GALNTL6: variants seen among roughly 807,000 people sequenced by gnomAD.
GALNTL6 encodes polypeptide N-acetylgalactosaminyltransferase like 6.
A neutral mutation model predicts 73.7 loss-of-function variants in GALNTL6; 46 were observed. The observed-to-expected ratio is 0.62, with a 90% confidence interval of 0.49 to 0.80. GALNTL6 has a LOEUF of 0.80. Among genes scored for constraint, GALNTL6 ranks in the 30% least tolerant of loss-of-function variants. The pLI is 0.00. For synonymous variants in GALNTL6, 259 were observed against 263.7 expected (o/e 0.98, Z 0.17); for missense variants, 604 against 755.0 (o/e 0.80, Z 2.34).
intron 5 of GALNTL6, among the ~76,000 whole-genome samples, chr4:172,485,779 C>A (rs760743965): frequency 9.9e-5 from 15 of 152,078 alleles, no homozygotes; most frequent in Non-Finnish European, 1.6e-4. Flanking sequence ...TCTTTGACAT[C>A]TTGAAACTAT....
At position 172,561,798 on chromosome 4, in the gene GALNTL6, A is replaced by AT. The variant is rs1221251046; in HGVS notation, c.553+213116dup. Among the ~76,000 whole-genome samples the AT allele has an allele frequency of 3.3e-5, 5 of 152,212 alleles. No homozygotes were observed. In the South Asian group the frequency reaches 8.3e-4, roughly 25 times the overall value. ...CTTGAGGTGAGACCCAGGCATCACT[A>AT]TTTTTTTATAGCTCCTCCAGAGATT... On this transcript the variant is annotated intron_variant, in intron 5 of 12. Coordinates refer to ENST00000506823, the MANE Select transcript of GALNTL6 (RefSeq NM_001034845.3).
intron 4 of GALNTL6, among the ~76,000 whole-genome samples, chr4:172,314,964 A>G (rs1363871617): frequency 2.0e-5 from 3 of 152,136 alleles, no homozygotes; most frequent in Non-Finnish European, 4.4e-5. Flanking sequence ...TAGTATAAAA[A>G]TAAACTGCTT....
At chr4:172,928,550 C>T (rs1398172653) in intron 8 of GALNTL6, among the ~76,000 whole-genome samples, 3 of 152,190 alleles carry the variant, frequency 2.0e-5, no homozygotes, top group Non-Finnish European at 1.5e-5. Context: ...TCATCTGCTG[C>T]AGATTTCAAC....
chr4:172,429,838 A>G (rs1731373529), intron 5 of GALNTL6, among the ~76,000 whole-genome samples: 1 of 152,132 alleles, frequency 6.6e-6, no homozygotes, highest in Non-Finnish European at 1.5e-5. Context: ...TATTTGATAA[A>G]ACTACATTTT....
intron 3 of GALNTL6, among the ~76,000 whole-genome samples, chr4:172,306,145 T>G (rs1740129916): frequency 6.6e-6 from 1 of 152,120 alleles, no homozygotes; most frequent in African/African-American, 2.4e-5. Flanking sequence ...TCTCAGCACT[T>G]TGAGAGGCCA....
intron 5 of GALNTL6, among the ~76,000 whole-genome samples, chr4:172,545,094 A>G (rs549068982): frequency 3.6e-4 from 55 of 152,280 alleles, no homozygotes; most frequent in African/African-American, 1.3e-3. Flanking sequence ...CCTCCAGTGG[A>G]TAATTTTAAA....
At chr4:172,313,156 C>T (rs1355335104) in intron 4 of GALNTL6, among the ~76,000 whole-genome samples, 3 of 132,204 alleles carry the variant, frequency 2.3e-5, no homozygotes, top group Admixed American at 8.2e-5. Context: ...GGTGGAGTCT[C>T]CCACTGTCGC....
chr4:172,315,454 AG>A (rs1212893995), intron 4 of GALNTL6, among the ~76,000 whole-genome samples: 2 of 152,172 alleles, frequency 1.3e-5, no homozygotes, highest in Non-Finnish European at 2.9e-5. Context: ...GTAGAGACAG[AG>A]TTTCTCCATG....
intron 2 of GALNTL6, among the ~76,000 whole-genome samples, chr4:171,946,544 T>C (rs1429339696): frequency 2.0e-5 from 3 of 152,182 alleles, no homozygotes; most frequent in Non-Finnish European, 4.4e-5. Context: ...ACAGTAGGCA[T>C]TCAGTAAGCC....
intron 8 of GALNTL6, among the ~76,000 whole-genome samples, chr4:172,893,342 T>TGGGGG (rs1188538488): frequency 7.7e-6 from 1 of 129,700 alleles, no homozygotes; most frequent in African/African-American, 3.3e-5. Flanking sequence ...GTTCTGAGAG[T>TGGGGG]GGCGGGGGGG....
intron 2 of GALNTL6, among the ~76,000 whole-genome samples, chr4:171,964,160 T>G (rs1453027991): frequency 6.8e-6 from 1 of 148,096 alleles, no homozygotes; most frequent in African/African-American, 2.5e-5. Flanking sequence ...TTACTGCTGT[T>G]GCTGTAAGCA....
intron 2 of GALNTL6, among the ~76,000 whole-genome samples, chr4:172,158,342 C>T (rs1398749869): frequency 6.6e-6 from 1 of 151,794 alleles, no homozygotes; most frequent in East Asian, 1.9e-4. Context: ...CAAATGCAGT[C>T]CCCTTCCCTT....
chr4:172,161,339 C>G (rs943824177), intron 2 of GALNTL6, among the ~76,000 whole-genome samples: 1 of 151,960 alleles, frequency 6.6e-6, no homozygotes, highest in African/African-American at 2.4e-5. Context: ...TTACAGGAAT[C>G]ATGACCCTTC....
At chr4:171,883,787 A>G (rs1736528501) in intron 2 of GALNTL6, among the ~76,000 whole-genome samples, 1 of 151,826 alleles carries the variant, frequency 6.6e-6, no homozygotes, top group African/African-American at 2.4e-5. Context: ...AGCTGGGACT[A>G]CAGGCGCCTG....
chr4:172,583,098 A>G (rs2110978138), intron 5 of GALNTL6, among the ~76,000 whole-genome samples: 1 of 151,786 alleles, frequency 6.6e-6, no homozygotes. Flanking sequence ...ATTCTCCTAT[A>G]AGGACTTCCT....
intron 5 of GALNTL6, among the ~76,000 whole-genome samples, chr4:172,603,942 C>T (rs1389572391): frequency 2.0e-5 from 3 of 152,246 alleles, no homozygotes; most frequent in African/African-American, 4.8e-5. Context: ...CCTCAGAAAG[C>T]ATCCCAAACT....
chr4:172,292,710 A>G (rs1739517937), intron 3 of GALNTL6, among the ~76,000 whole-genome samples: 1 of 152,154 alleles, frequency 6.6e-6, no homozygotes, highest in African/African-American at 2.4e-5. Flanking sequence ...AAAGACAGAA[A>G]AGCTATTTGA....
chr4:171,904,308 T>C (rs1737202238), intron 2 of GALNTL6, among the ~76,000 whole-genome samples: 1 of 152,054 alleles, frequency 6.6e-6, no homozygotes, highest in African/African-American at 2.4e-5. Context: ...AAGGAGCTGA[T>C]GGAGCTGAAA....
At chr4:172,320,409 A>G (rs376038945) in intron 4 of GALNTL6, among the ~76,000 whole-genome samples, 1 of 152,214 alleles carries the variant, frequency 6.6e-6, no homozygotes, top group African/African-American at 2.4e-5. Context: ...GGCACAAAAC[A>G]TATAGCACCA....
Sources: gnomAD v4.1 joint callset for allele counts (sites outside exome capture counted in the v4.1 genomes callset) on GRCh38, gnomAD v4.1.1 for gene constraint, MANE v1.5 for transcripts, NCBI Gene and HGNC (gene_info 2026-07-23, HGNC 2026-07-21) for gene names.